SH3PXD2A: variants seen among roughly 807,000 people sequenced by gnomAD.
The protein encoded by SH3PXD2A is SH3 and PX domain-containing protein 2A.
SH3PXD2A carries 32 observed loss-of-function variants against 115.2 expected under a neutral mutation model. The observed-to-expected ratio is 0.28, with a 90% CI of 0.21 to 0.37. SH3PXD2A has a LOEUF of 0.37. Among genes scored for constraint, SH3PXD2A ranks in the 10% least tolerant of loss-of-function variants. SH3PXD2A has a pLI of 1.00. For synonymous variants in SH3PXD2A, 610 were observed against 629.1 expected (o/e 0.97, Z 0.45); for missense variants, 1,328 against 1,498.7 (o/e 0.89, Z 1.88).
chr10:103,672,654 C>T (rs1295299588), intron 6 of SH3PXD2A, among the ~76,000 whole-genome samples: 1 of 152,220 alleles, frequency 6.6e-6, no homozygotes, highest in Non-Finnish European at 1.5e-5. Flanking sequence ...AATCTCTGAA[C>T]ATCTGTTCCT....
At position 103,681,957 on chromosome 10, in the gene SH3PXD2A, C is replaced by T. The variant is rs185185634; in HGVS notation, c.427+11071G>A. Among the ~76,000 whole-genome samples the T allele has an allele frequency of 6.8e-4, 104 of 152,330 alleles. 1 individual carries two copies. The East Asian group carries it at 0.018, about 26-fold the overall frequency. ...AGATACCTGGGCGTCACTCCAGACA[C>T]GCTGATTCAGTAGGTCTGGGCAGGC... On this transcript the variant is annotated intron_variant, in intron 6 of 14. Transcript: ENST00000369774.
intron 6 of SH3PXD2A, among the ~76,000 whole-genome samples, chr10:103,689,855 G>A (rs1474144039): frequency 2.0e-5 from 3 of 152,138 alleles, no homozygotes; most frequent in Non-Finnish European, 4.4e-5. Flanking sequence ...CCTCCAGAAA[G>A]TTCCTGAGAA....
chr10:103,801,333 G>C lies in SH3PXD2A; in HGVS notation c.102C>G (p.Asp34Glu). Residue 34 changes from aspartate to glutamate, a missense_variant, in exon 2 of 15, where the codon GAC becomes GAG. Coordinates refer to ENST00000369774, the MANE Select transcript of SH3PXD2A (RefSeq NM_001394015.1). ...TCCGGTAGATAGTCTGGGAGGTGGA[G>C]TCAGACCAGGTCACATTGATTATGT... ...YVYIINVTWSDSTSQTIYRRY... is the reference protein window; with the variant it reads ...YVYIINVTWSESTSQTIYRRY... 1 of 1,611,238 alleles carries C rather than the reference G, an allele frequency of 6.2e-7. No homozygotes were observed. The highest frequency in any genetic ancestry group is 2.2e-5 in the East Asian group (1 of 44,868).
At position 103,627,116 on chromosome 10, in the gene SH3PXD2A, C is replaced by G; in HGVS notation, c.691G>C (p.Asp231His). 2 of 1,611,462 alleles carry G rather than the reference C, an allele frequency of 1.2e-6. No individual in the cohort carries two copies. The highest frequency in any genetic ancestry group is 1.7e-6 in the Non-Finnish European group (2 of 1,177,572). ...TCTCCAGTCTTAGAGGTGTTGATGT[C>G]GGAGTCATCCCGAGTACCATTCTGG... Reference protein sequence around the residue: ...EAQNGTRDDSDINTSKTGEVS... With the variant: ...EAQNGTRDDSHINTSKTGEVS... Residue 231 changes from aspartate (D) to histidine (H), a missense_variant, in exon 9 of 15, where the codon GAC (aspartate) becomes CAC (histidine). By Grantham distance (81) the Asp-to-His change is moderately conservative. Around this residue, in one of 5 missense-constraint regions of SH3PXD2A, gnomAD observed 509 missense variants for 628.3 expected, o/e 0.81. Transcript: ENST00000369774. This position sits in a 1 kb window ranked among gnomAD's most constrained non-coding sequence, Gnocchi z 4.4.
chr10:103,642,732 G>A (rs950417476), intron 8 of SH3PXD2A, among the ~76,000 whole-genome samples: 32 of 152,316 alleles, frequency 2.1e-4, no homozygotes, highest in African/African-American at 6.5e-4. Flanking sequence ...GCAGCCTGGA[G>A]AAGAGAGCTG....
intron 2 of SH3PXD2A, among the ~76,000 whole-genome samples, chr10:103,778,156 C>T (rs907339661): frequency 5.9e-5 from 9 of 152,020 alleles, no homozygotes; most frequent in African/African-American, 7.2e-5. Context: ...GGTGAAACCC[C>T]GTCTCTACTA....
At chr10:103,748,449 AG>A (rs924036624) in intron 3 of SH3PXD2A, among the ~76,000 whole-genome samples, 4 of 152,158 alleles carry the variant, frequency 2.6e-5, no homozygotes, top group African/African-American at 7.2e-5. Flanking sequence ...CCCTGAAAGA[AG>A]GGGCAACACG....
At chr10:103,660,554 AC>A (rs1448269094) in intron 8 of SH3PXD2A, among the ~76,000 whole-genome samples, 1 of 151,990 alleles carries the variant, frequency 6.6e-6, no homozygotes, top group African/African-American at 2.4e-5. Flanking sequence ...GGGACCCTGG[AC>A]CCCATGGTGA....
chr10:103,671,526 C>A (rs897451549), intron 6 of SH3PXD2A, among the ~76,000 whole-genome samples: 3 of 152,228 alleles, frequency 2.0e-5, no homozygotes, highest in Non-Finnish European at 4.4e-5. Context: ...TCCCAGTCCC[C>A]TGACCTGCAG....
chr10:103,672,898 C>T (rs2037482797), intron 6 of SH3PXD2A, among the ~76,000 whole-genome samples: 1 of 152,228 alleles, frequency 6.6e-6, no homozygotes, highest in African/African-American at 2.4e-5. Context: ...CCATGGCTGT[C>T]CGTCCTGGCA....
chr10:103,721,984 G>T (rs7083463), intron 5 of SH3PXD2A, among the ~76,000 whole-genome samples: 1 of 151,604 alleles, frequency 6.6e-6, no homozygotes, highest in African/African-American at 2.4e-5. Flanking sequence ...CTCCTGTTTT[G>T]TAATCTGTAA....
chr10:103,725,568 G>A (rs1049950725), intron 4 of SH3PXD2A, among the ~76,000 whole-genome samples: 3 of 152,034 alleles, frequency 2.0e-5, no homozygotes, highest in East Asian at 3.9e-4. Context: ...GGCTCATGCC[G>A]GTAATCCCAG....
chr10:103,776,801 C>T (rs902261602), intron 2 of SH3PXD2A, among the ~76,000 whole-genome samples: 2 of 152,140 alleles, frequency 1.3e-5, no homozygotes, highest in African/African-American at 4.8e-5. Context: ...TAGGAGCCAC[C>T]CTACTCCCGG....
At chr10:103,647,059 G>T (rs182293533) in intron 8 of SH3PXD2A, among the ~76,000 whole-genome samples, 25 of 151,814 alleles carry the variant, frequency 1.6e-4, no homozygotes, top group Non-Finnish European at 2.9e-4. Context: ...AGTCAGGGGT[G>T]GGGGGATGGA....
At position 103,601,838 on chromosome 10, in the gene SH3PXD2A, T is replaced by G. The variant is rs951329846; in HGVS notation, c.3380A>C (p.Asn1127Thr). ...CTGCTAGTTCTTTTTCTCAAGGTAG[T>G]TGGAAGGCACCCAGCCTTTGAAGGG... ...VKPFKGWVPS[N>T]YLEKKN Residue 1127 changes from asparagine to threonine, a missense_variant, in exon 15 of 15, where the codon AAC becomes ACC. Asn to Thr is a moderately conservative substitution (Grantham distance 65). This residue lies in a region of SH3PXD2A where 45 missense variants were observed against 73.6 expected (regional missense o/e 0.61). Transcript: ENST00000369774. The G allele has an allele frequency of 3.7e-6, 6 of 1,607,744 alleles. No homozygotes were observed. Among genetic ancestry groups the G allele is most frequent in the Non-Finnish European group, 4.2e-6 (5 of 1,176,798 alleles).
chr10:103,817,114 G>A (rs2039332249), intron 1 of SH3PXD2A, among the ~76,000 whole-genome samples: 1 of 150,988 alleles, frequency 6.6e-6, no homozygotes, highest in Admixed American at 6.6e-5. Context: ...AAAGTGTTCG[G>A]ATTACAGGTG....
At chr10:103,639,843 C>T (rs2036926783) in intron 8 of SH3PXD2A, among the ~76,000 whole-genome samples, 4 of 151,940 alleles carry the variant, frequency 2.6e-5, no homozygotes, top group African/African-American at 9.7e-5. Flanking sequence ...CTGTCAAAGG[C>T]AAGACGATGG....
intron 6 of SH3PXD2A, among the ~76,000 whole-genome samples, chr10:103,686,148 G>T (rs951270832): frequency 2.0e-5 from 3 of 152,196 alleles, no homozygotes; most frequent in Non-Finnish European, 4.4e-5. Flanking sequence ...TTTCCAAGGA[G>T]AAGAATAAAG....
At chr10:103,807,613 A>T (rs1290181295) in intron 1 of SH3PXD2A, among the ~76,000 whole-genome samples, 1 of 152,214 alleles carries the variant, frequency 6.6e-6, no homozygotes, top group Non-Finnish European at 1.5e-5. Flanking sequence ...TATACTTTAC[A>T]TCCCAAACTG....
Sources: allele counts gnomAD v4.1 joint callset (sites outside exome capture counted in the v4.1 genomes callset), GRCh38; gene constraint gnomAD v4.1.1; regional missense constraint gnomAD v4.1.1; non-coding constraint Gnocchi (gnomAD v3.1); transcripts MANE v1.5; gene names NCBI Gene and HGNC (gene_info 2026-07-23, HGNC 2026-07-21).